Variants in MTUS2 observed in about 807,000 individuals in gnomAD.
MTUS2 encodes the protein microtubule associated scaffold protein 2.
MTUS2 carries 40 observed loss-of-function variants against 114.1 expected under a neutral mutation model. The observed-to-expected ratio is 0.35, with a 90% CI of 0.27 to 0.46. MTUS2 has a LOEUF of 0.46. MTUS2 is among the 20% of genes least tolerant of loss of function. MTUS2 has a pLI of 1.00. For synonymous variants in MTUS2, 688 were observed against 672.0 expected, an observed-to-expected ratio of 1.02 and a Z score of -0.37; for missense variants, 1,679 against 1,705.4, an observed-to-expected ratio of 0.98 and a Z score of 0.27.
At chr13:29,072,970 T>C (rs1385146395) in intron 4 of MTUS2, among the ~76,000 whole-genome samples, 1 of 152,176 alleles carries the variant, frequency 6.6e-6, no homozygotes, top group Non-Finnish European at 1.5e-5. Flanking sequence ...GCTAATTTCC[T>C]TCTGTTGGTA....
At chr13:29,406,332 G>A (rs1237583773) in intron 8 of MTUS2, among the ~76,000 whole-genome samples, 1 of 152,212 alleles carries the variant, frequency 6.6e-6, no homozygotes, top group Non-Finnish European at 1.5e-5. Flanking sequence ...TTGCTCACAA[G>A]GTCAGGCTGT....
chr13:28,989,324 T>C (rs1003359863), intron 2 of MTUS2, among the ~76,000 whole-genome samples: 1 of 152,098 alleles, frequency 6.6e-6, no homozygotes, highest in African/African-American at 2.4e-5. Context: ...CTTATGAAAA[T>C]GAGGCCAAGA....
At chr13:29,113,585 T>G (rs954565736) in intron 5 of MTUS2, among the ~76,000 whole-genome samples, 1 of 152,156 alleles carries the variant, frequency 6.6e-6, no homozygotes, top group African/African-American at 2.4e-5. Flanking sequence ...CTAAATCTTA[T>G]TTAATGTTAA....
At chr13:29,418,698 G>A (rs1040329900) in intron 8 of MTUS2, among the ~76,000 whole-genome samples, 2 of 152,188 alleles carry the variant, frequency 1.3e-5, no homozygotes, top group Admixed American at 1.3e-4. Context: ...CAGTTACTGT[G>A]AGATCTGACT....
At chr13:29,280,351 C>A (rs1056517051) in intron 5 of MTUS2, among the ~76,000 whole-genome samples, 2 of 152,166 alleles carry the variant, frequency 1.3e-5, no homozygotes, top group African/African-American at 4.8e-5. Flanking sequence ...CCTTGCACAG[C>A]ACTTTAAAAG....
At chr13:29,207,687 A>G (rs925384325) in intron 5 of MTUS2, among the ~76,000 whole-genome samples, 1 of 151,872 alleles carries the variant, frequency 6.6e-6, no homozygotes, top group African/African-American at 2.4e-5. Context: ...TGATCATGTT[A>G]TTTTTGTTTT....
At chr13:28,955,128 A>G (rs1205325081) in intron 2 of MTUS2, among the ~76,000 whole-genome samples, 3 of 152,078 alleles carry the variant, frequency 2.0e-5, no homozygotes, top group African/African-American at 7.2e-5. Flanking sequence ...GGATCCAAAG[A>G]CTTTGCCCTT....
At chr13:29,443,172 G>A (rs773764771) in intron 9 of MTUS2, among the ~76,000 whole-genome samples, 12 of 152,154 alleles carry the variant, frequency 7.9e-5, no homozygotes, top group African/African-American at 2.4e-4. Context: ...AGATAATGCC[G>A]ATGAAGCAGT....
chr13:29,100,977 G>C lies in MTUS2; in HGVS notation c.2644+7G>C, dbSNP rs759687205. The C allele has an allele frequency of 1.9e-6, 3 of 1,549,118 alleles. No individual in the cohort carries two copies. Among genetic ancestry groups the C allele is most frequent in the Non-Finnish European group, 2.6e-6 (3 of 1,144,154 alleles). ...CAGGGCCGGCCAGCCACCCGTAAGT[G>C]GGGTGGGGCAGGGTGGGGTGCCTTC... On this transcript the variant is annotated splice_region_variant and intron_variant, in intron 5 of 15. Coordinates refer to ENST00000612955, the MANE Select transcript of MTUS2 (RefSeq NM_001033602.4).
At chr13:29,407,444 G>GTATT (rs1555274919) in intron 8 of MTUS2, among the ~76,000 whole-genome samples, 61 of 136,570 alleles carry the variant, frequency 4.5e-4, no homozygotes, top group African/African-American at 1.5e-3. Context: ...CAGAGTGATT[G>GTATT]TACTTATTTA....
intron 8 of MTUS2, among the ~76,000 whole-genome samples, chr13:29,410,301 A>G (rs749470504): frequency 5.9e-5 from 9 of 151,856 alleles, no homozygotes; most frequent in Non-Finnish European, 1.2e-4. Flanking sequence ...ATTTTTTTGT[A>G]TTTTTAGTAG....
At chr13:29,490,025 A>G (rs1881942660) in intron 11 of MTUS2, 1 of 152,210 alleles carries the variant, frequency 6.6e-6, no homozygotes, top group African/African-American at 2.4e-5. Context: ...CTCAGACACC[A>G]CATTCCAGGT....
chr13:29,144,615 G>T lies in MTUS2; in HGVS notation c.2644+43645G>T, dbSNP rs368895188. ...AACTGAGAATCCCAGTTTTTTGCTTGCTGTCATCTGGAGGTCACCCTCAGT... is the reference window on the plus strand; with the variant it reads ...AACTGAGAATCCCAGTTTTTTGCTTTCTGTCATCTGGAGGTCACCCTCAGT... On this transcript the variant is annotated intron_variant, in intron 5 of 15. Coordinates refer to ENST00000612955, the MANE Select transcript of MTUS2 (RefSeq NM_001033602.4). 2.6e-5 allele frequency among the ~76,000 whole-genome samples: 4 copies of T among 152,048 alleles called. No homozygotes were observed. In the East Asian group the frequency reaches 5.8e-4, roughly 22 times the overall value.
chr13:29,381,567 C>T (rs1215009836), intron 8 of MTUS2, among the ~76,000 whole-genome samples: 1 of 152,156 alleles, frequency 6.6e-6, no homozygotes, highest in African/African-American at 2.4e-5. Context: ...CTTGTGTGGG[C>T]ACTGCCATTA....
chr13:28,886,966 T>C (rs1344858045), intron 2 of MTUS2, among the ~76,000 whole-genome samples: 3 of 152,190 alleles, frequency 2.0e-5, no homozygotes, highest in Admixed American at 6.5e-5. Flanking sequence ...AGGAGGCCAG[T>C]GTCTCTGGAG....
chr13:28,921,318 G>A (rs1284840519), intron 2 of MTUS2, among the ~76,000 whole-genome samples: 1 of 152,210 alleles, frequency 6.6e-6, no homozygotes, highest in Admixed American at 6.5e-5. Flanking sequence ...GGCCTATTCT[G>A]TCTCTAGAAA....
intron 5 of MTUS2, among the ~76,000 whole-genome samples, chr13:29,263,785 C>T (rs1897564633): frequency 6.6e-6 from 1 of 152,182 alleles, no homozygotes; most frequent in African/African-American, 2.4e-5. Context: ...GATCTGCCCC[C>T]ATGATCTAAA....
intron 5 of MTUS2, among the ~76,000 whole-genome samples, chr13:29,268,136 C>T (rs764109619): frequency 6.6e-6 from 1 of 152,074 alleles, no homozygotes; most frequent in Non-Finnish European, 1.5e-5. Context: ...TCCTAATGCT[C>T]TCCCTCCCCT....
intron 8 of MTUS2, among the ~76,000 whole-genome samples, chr13:29,375,082 GAA>G (rs1871472030): frequency 6.6e-6 from 1 of 152,168 alleles, no homozygotes; most frequent in Non-Finnish European, 1.5e-5. Flanking sequence ...AGTGGATAAA[GAA>G]AATGTGGTTT....
Sources: gnomAD v4.1 joint callset for allele counts (sites outside exome capture counted in the v4.1 genomes callset) on GRCh38, gnomAD v4.1.1 for gene constraint, MANE v1.5 for transcripts, NCBI Gene and HGNC (gene_info 2026-07-23, HGNC 2026-07-21) for gene names.